SYNPO: variants seen among roughly 807,000 people sequenced by gnomAD.
SYNPO encodes the protein synaptopodin.
SYNPO carries 19 observed loss-of-function variants against 49.5 expected under a neutral mutation model. The observed-to-expected ratio is 0.38, with a 90% CI of 0.27 to 0.56. The LOEUF (loss-of-function observed/expected upper bound fraction) is 0.56. SYNPO is among the 20% of genes least tolerant of loss of function. The probability of loss-of-function intolerance (pLI) is 0.68; values close to 1 mark genes in which losing one functional copy is unlikely to be tolerated. For synonymous variants in SYNPO, 536 were observed against 548.0 expected (o/e 0.98, Z 0.31); for missense variants, 1,131 against 1,248.3 (o/e 0.91, Z 1.42).
intron 1 of SYNPO, among the ~76,000 whole-genome samples, chr5:150,642,475 G>T (rs948438226): frequency 8.5e-5 from 13 of 152,212 alleles, no homozygotes; most frequent in Non-Finnish European, 1.6e-4. Context: ...CCGATTGAGG[G>T]TTCAATGAGG....
intron 2 of SYNPO, among the ~76,000 whole-genome samples, chr5:150,635,186 G>T (rs1757674196): frequency 6.6e-6 from 1 of 152,256 alleles, no homozygotes; most frequent in South Asian, 2.1e-4. Flanking sequence ...CCGTGTACCT[G>T]CGGGTGCTCA....
intron 2 of SYNPO, among the ~76,000 whole-genome samples, chr5:150,623,750 A>T (rs576813798): frequency 6.6e-6 from 1 of 152,328 alleles, no homozygotes; most frequent in East Asian, 1.9e-4. Flanking sequence ...ACGCTAGCAC[A>T]TTCCTAACTT....
chr5:150,604,667 C>G (rs926359630), intron 1 of SYNPO, among the ~76,000 whole-genome samples: 2 of 152,170 alleles, frequency 1.3e-5, no homozygotes, highest in Non-Finnish European at 2.9e-5. Flanking sequence ...GGGAGCTCAC[C>G]AGGCGACTGC....
intron 2 of SYNPO, among the ~76,000 whole-genome samples, chr5:150,621,981 C>T (rs575665780): frequency 3.3e-5 from 5 of 152,250 alleles, no homozygotes; most frequent in East Asian, 1.9e-4. Context: ...TAACTGGTAG[C>T]GTTTCTTGAG....
rs1265409995 is a variant in SYNPO at position 150,656,397 on chromosome 5, TC to T, written c.2029-3del. On this transcript the variant is annotated splice_polypyrimidine_tract_variant and splice_region_variant and intron_variant, in intron 2 of 2. Transcript: ENST00000307662. ...TGCCTGCCCCACCCTCTCTGCTCTC[TC>T]CCCAGGACCGCCGGGAGAGCCTGCC... is the stretch of plus-strand genomic sequence containing the variant. 1.1e-5 allele frequency: 17 copies of T among 1,526,060 alleles called. No individual in the cohort carries two copies. The highest frequency in any genetic ancestry group is 1.4e-5 in the Non-Finnish European group (16 of 1,142,558). 94.5% of individuals were successfully genotyped at this position (1,526,060 alleles called of 1,614,324 possible).
intron 2 of SYNPO, among the ~76,000 whole-genome samples, chr5:150,634,863 C>CCACA: frequency 2.2e-5 from 1 of 45,848 alleles, no homozygotes; most frequent in South Asian, 5.1e-4. Flanking sequence ...CACACACACA[C>CCACA]CACACACACA....
rs1758636631 is a variant in SYNPO, at chr5:150,658,013, T to C, written c.*926T>C. ...AGAGAAGAGATACAGAGCTACCATG[T>C]GACTTTACCTGATTGCCCTCAGTTT... On this transcript the variant is annotated 3_prime_UTR_variant, in exon 3 of 3. Coordinates refer to ENST00000307662, the MANE Select transcript of SYNPO (RefSeq NM_007286.6). 2 of 152,396 alleles carry C rather than the reference T, an allele frequency of 1.3e-5. No individual in the cohort carries two copies. Among genetic ancestry groups the C allele is most frequent in the Non-Finnish European group, 2.9e-5 (2 of 68,058 alleles). 9.4% of individuals were successfully genotyped at this position (152,396 alleles called of 1,614,324 possible).
exon 2 of SYNPO, chr5:150,618,128 G>A (rs538305441): frequency 2.1e-6 from 1 of 484,476 alleles, no homozygotes; most frequent in Admixed American, 3.8e-5. Context: ...CCTCACACCA[G>A]AGACGGGTTA....
At chr5:150,630,175 G>A (rs1002473788) in intron 2 of SYNPO, among the ~76,000 whole-genome samples, 1 of 152,172 alleles carries the variant, frequency 6.6e-6, no homozygotes, top group Non-Finnish European at 1.5e-5. Flanking sequence ...GGGCATGGAA[G>A]GCTCTGCCAT....
At chr5:150,618,527 G>A (rs372870142) in exon 2 of SYNPO, 17 of 1,550,862 alleles carry the variant, frequency 1.1e-5, no homozygotes, top group South Asian at 2.4e-5. Flanking sequence ...GGGGCCTACC[G>A]ACCTGGAAGA....
chr5:150,633,205 A>G (rs1757598645), intron 2 of SYNPO, among the ~76,000 whole-genome samples: 1 of 152,200 alleles, frequency 6.6e-6, no homozygotes, highest in African/African-American at 2.4e-5. Context: ...AATGTGCAGT[A>G]GTATAGGTTT....
At chr5:150,596,715 G>A (rs1462071500), upstream of SYNPO, among the ~76,000 whole-genome samples, 1 of 152,104 alleles carries the variant, frequency 6.6e-6, no homozygotes, top group African/African-American at 2.4e-5. Flanking sequence ...AGGTCCCTGG[G>A]TCCCAGAATG....
chr5:150,650,856 G>A, intron 2 of SYNPO: 1 of 1,267,028 alleles, frequency 7.9e-7, no homozygotes, highest in Non-Finnish European at 1.0e-6. Flanking sequence ...CCATGGGCCT[G>A]TCTCTTCTGC....
rs999339687 is a variant in SYNPO, at chr5:150,631,184, G to A, written c.400+12417G>A. On this transcript the variant is annotated intron_variant, in intron 2 of 2. Coordinates refer to the SYNPO transcript ENST00000394243. ...TGTTTATTCAGGCCCAGCTATGGCC[G>A]AGGCACAGGGGCATGGACATAGCCA... 1.2e-4 allele frequency among the ~76,000 whole-genome samples: 18 copies of A among 152,328 alleles called. 1 individual carries two copies. The highest frequency in any genetic ancestry group is 9.8e-4 in the Admixed American group (15 of 15,292).
intron 2 of SYNPO, among the ~76,000 whole-genome samples, chr5:150,629,637 C>T (rs1412443600): frequency 2.0e-5 from 3 of 152,096 alleles, no homozygotes; most frequent in Non-Finnish European, 2.9e-5. Context: ...GAGACCCTTG[C>T]GTGTAATCCT....
intron 1 of SYNPO, among the ~76,000 whole-genome samples, chr5:150,645,198 C>T (rs563181254): frequency 6.6e-6 from 1 of 152,184 alleles, no homozygotes; most frequent in South Asian, 2.1e-4. Context: ...CTCTGAGAGT[C>T]CATGAATTCA....
In SYNPO at chr5:150,649,021, G is replaced by C; in HGVS notation, c.746G>C (p.Gly249Ala). 1 of 1,614,212 alleles carries C rather than the reference G, an allele frequency of 6.2e-7. No homozygotes were observed. The highest frequency in any genetic ancestry group is 8.5e-7 in the Non-Finnish European group (1 of 1,180,040). The change falls in exon 2 of 3, where the codon GGG becomes GCG. Residue 249 changes from glycine to alanine, a missense_variant. Physicochemically the swap from Gly to Ala is moderately conservative, Grantham distance 60. This residue lies in a region of SYNPO where 602 missense variants were observed against 720.7 expected (regional missense o/e 0.84). Transcript: ENST00000307662. ...TARPFGIQAP[G>A]GTSQMERSPM... ...AGGCCTTTTGGGATCCAGGCGCCAG[G>C]GGGCACCAGCCAGATGGAGAGGAGC...
rs544736376 is a variant in SYNPO at position 150,650,900 on chromosome 5, C to T, written c.2028+597C>T. On this transcript the variant is annotated intron_variant, in intron 2 of 2. Transcript: ENST00000307662. ...TCTGGACACCGTTTCCTCTCCGCTG[C>T]TTCAGAGAGCTTTGCCTCGCCTCCG... The T allele has an allele frequency of 3.2e-6, 4 of 1,256,516 alleles. No homozygotes were observed. The Admixed American group carries it at 1.5e-4, about 48-fold the overall frequency. The allele number at this position is 1,256,516 out of a possible 1,614,324, so 77.8% of individuals were successfully genotyped here.
Position 150,658,793 on chromosome 5 carries a change from G to C in SYNPO, c.*1706G>C, listed in dbSNP as rs1326480466. The C allele has an allele frequency of 6.6e-6, 1 of 152,452 alleles. No individual in the cohort carries two copies. The highest frequency in any genetic ancestry group is 2.4e-5 in the African/African-American group (1 of 41,446). 9.4% of individuals were successfully genotyped at this position (152,452 alleles called of 1,614,324 possible). A position where few individuals can be genotyped will look rare whatever the true frequency, so the allele number is the denominator to read the frequency against. ...GGGTTGGGACAGGGTGCTTTGGAAT[G>C]AAAGAGTGACCTTAGAGGGCTCCTT... is the stretch of plus-strand genomic sequence containing the variant. On this transcript the variant is annotated 3_prime_UTR_variant, in exon 3 of 3. Coordinates refer to ENST00000307662, the MANE Select transcript of SYNPO (RefSeq NM_007286.6).
Sources: allele counts gnomAD v4.1 joint callset (sites outside exome capture counted in the v4.1 genomes callset), GRCh38; gene constraint gnomAD v4.1.1; regional missense constraint gnomAD v4.1.1; transcripts MANE v1.5; gene names NCBI Gene and HGNC (gene_info 2026-07-23, HGNC 2026-07-21).